Variants in PHEX observed in about 807,000 individuals in gnomAD.
The protein encoded by PHEX is phosphate-regulating neutral endopeptidase PHEX.
Under a neutral mutation model 68.0 loss-of-function variants are expected in PHEX, and 16 were observed. The ratio of observed to expected loss-of-function variants is 0.24; its 90% CI spans 0.16 to 0.36. The LOEUF is 0.36. Ranked by LOEUF, PHEX falls within the 10% of genes least tolerant of loss-of-function variation. The pLI is 1.00. For synonymous variants in PHEX, 208 were observed against 205.1 expected, an observed-to-expected ratio of 1.01 and a Z score of -0.12; for missense variants, 480 against 575.5, an observed-to-expected ratio of 0.83 and a Z score of 1.70.
chrX:22,131,880 T>C (rs1163787022), intron 11 of PHEX, among the ~76,000 whole-genome samples: 1 of 111,007 alleles, frequency 9.0e-6, no homozygotes, highest in Non-Finnish European at 1.9e-5. Flanking sequence ...TTTGTATCCA[T>C]GAACAGGCAG....
chrX:22,062,703 T>TC (rs1323057458), intron 3 of PHEX, among the ~76,000 whole-genome samples: 1 of 110,995 alleles, frequency 9.0e-6, no homozygotes, highest in Non-Finnish European at 1.9e-5. Flanking sequence ...AGGCCCATTC[T>TC]CAGAGATTCT....
chrX:22,144,085 G>A (rs1240191248), intron 12 of PHEX, among the ~76,000 whole-genome samples: 1 of 111,425 alleles, frequency 9.0e-6, no homozygotes, highest in African/African-American at 3.3e-5. Context: ...CAGTTTTGGG[G>A]GTCTCAGTTT....
At chrX:22,067,199 G>A (rs1419461655) in intron 3 of PHEX, among the ~76,000 whole-genome samples, 1 of 108,610 alleles carries the variant, frequency 9.2e-6, no homozygotes, top group Non-Finnish European at 1.9e-5. Context: ...CCAAGATCGC[G>A]CCACTGCACT....
intron 15 of PHEX, among the ~76,000 whole-genome samples, chrX:22,201,714 C>T (rs778128039): frequency 1.2e-4 from 13 of 111,586 alleles, no homozygotes; most frequent in South Asian, 3.8e-4. Context: ...TGCAATTTGC[C>T]GCTTGCAGGG....
intron 3 of PHEX, among the ~76,000 whole-genome samples, chrX:22,074,326 A>G (rs1359507301): frequency 2.7e-5 from 3 of 109,502 alleles, no homozygotes; most frequent in African/African-American, 1.0e-4. Flanking sequence ...TATGGCAAGG[A>G]ACTTGTGATA....
At chrX:22,058,143 C>T (rs1928200524) in intron 3 of PHEX, among the ~76,000 whole-genome samples, 1 of 107,985 alleles carries the variant, frequency 9.3e-6, no homozygotes, top group Non-Finnish European at 1.9e-5. Flanking sequence ...AAGTTACAGA[C>T]AAGAAAAATA....
chrX:22,197,493 C>G lies in PHEX; in HGVS notation c.1645+6991C>G, dbSNP rs935550823. Among the ~76,000 whole-genome samples, 6 of 110,879 alleles carry G rather than the reference C, an allele frequency of 5.4e-5. No homozygotes were observed. In the South Asian group the frequency reaches 1.2e-3, roughly 22 times the overall value. ...CATTCAGGGAGCTCACACAGAGATC[C>G]ACATGTGAAGGAACTGGGGCCCCCT... On this transcript the variant is annotated intron_variant, in intron 15 of 21. Coordinates refer to ENST00000379374, the MANE Select transcript of PHEX (RefSeq NM_000444.6).
At chrX:22,149,603 A>C (rs983661900) in intron 12 of PHEX, among the ~76,000 whole-genome samples, 23 of 111,870 alleles carry the variant, frequency 2.1e-4, no homozygotes, top group Non-Finnish European at 2.4e-4. Flanking sequence ...AAAATACAAA[A>C]ATTAGCCAGG....
intron 3 of PHEX, among the ~76,000 whole-genome samples, chrX:22,070,283 C>T (rs1333063413): frequency 9.0e-6 from 1 of 111,204 alleles, no homozygotes; most frequent in African/African-American, 3.3e-5. Flanking sequence ...CTTTTTTTCA[C>T]CAGAATCAGA....
chrX:22,074,756 T>TAA (rs11462308), intron 3 of PHEX, among the ~76,000 whole-genome samples: 125 of 110,002 alleles, frequency 1.1e-3, no homozygotes, highest in African/African-American at 3.7e-3. Context: ...TTCTGCGTAT[T>TAA]AAAAAAAAAT....
At chrX:22,137,199 C>T (rs1932269394) in intron 12 of PHEX, among the ~76,000 whole-genome samples, 1 of 111,879 alleles carries the variant, frequency 8.9e-6, no homozygotes, top group African/African-American at 3.3e-5. Context: ...GGAGGAGCAA[C>T]TTCCTGAGCT....
intron 16 of PHEX, among the ~76,000 whole-genome samples, chrX:22,214,386 C>T (rs1004582512): frequency 8.9e-6 from 1 of 111,959 alleles, no homozygotes; most frequent in Non-Finnish European, 1.9e-5. Flanking sequence ...ACCTTAATTC[C>T]GTCTGCAGCC....
chrX:22,104,479 CCCTCATGTTATGTGCATCTCTT>C (rs1569393751), intron 9 of PHEX, among the ~76,000 whole-genome samples: 1 of 111,261 alleles, frequency 9.0e-6, no homozygotes, highest in Non-Finnish European at 1.9e-5. Context: ...TAGTGATGAT[CCCTCATGTTATGTGCATCTCTT>C]CCTAACTACA....
intron 3 of PHEX, among the ~76,000 whole-genome samples, chrX:22,055,266 A>G (rs1165527632): frequency 9.4e-6 from 1 of 106,311 alleles, no homozygotes. Flanking sequence ...ATAATGATAA[A>G]TGTTTGAAGC....
chrX:22,208,171 G>A (rs1039323979), intron 15 of PHEX, among the ~76,000 whole-genome samples: 20 of 109,644 alleles, frequency 1.8e-4, no homozygotes, highest in African/African-American at 4.0e-4. Context: ...CCCTTTTTAC[G>A]AGCCACCACC....
At chrX:22,115,613 C>T (rs1433558792) in intron 11 of PHEX, among the ~76,000 whole-genome samples, 1 of 112,093 alleles carries the variant, frequency 8.9e-6, no homozygotes, top group Admixed American at 9.5e-5. Flanking sequence ...CCCCCAGCCC[C>T]TGGCAACTAC....
At chrX:22,228,153 AAAGG>A (rs1935573922) in intron 20 of PHEX, among the ~76,000 whole-genome samples, 1 of 112,160 alleles carries the variant, frequency 8.9e-6, no homozygotes, top group Admixed American at 9.5e-5. Context: ...GCAGAAATTG[AAAGG>A]AAGATGTACA....
At chrX:22,056,718 C>T (rs1602258984) in intron 3 of PHEX, among the ~76,000 whole-genome samples, 2 of 108,013 alleles carry the variant, frequency 1.9e-5, no homozygotes, top group Admixed American at 2.0e-4. Flanking sequence ...GCCGAAATCG[C>T]TCCACTGCAC....
In PHEX at chrX:22,077,332, C is replaced by T. The variant is rs1370235626; in HGVS notation, c.437-144C>T. 7 of 542,093 alleles carry T rather than the reference C, an allele frequency of 1.3e-5. No homozygotes were observed. The East Asian group carries it at 2.3e-4, about 18-fold the overall frequency. 44.7% of individuals were successfully genotyped at this position (542,093 alleles called of 1,213,427 possible). On this transcript the variant is annotated intron_variant, in intron 4 of 21. Transcript: ENST00000379374. ...GTCTCTGTGATTATGCTCATCCCAC[C>T]CCACCTCTTTTACCTACTCCCTAAC...
Sources: allele counts gnomAD v4.1 joint callset (sites outside exome capture counted in the v4.1 genomes callset), GRCh38; gene constraint gnomAD v4.1.1; transcripts MANE v1.5; gene names NCBI Gene and HGNC (gene_info 2026-07-23, HGNC 2026-07-21).